SIK3: variants seen among roughly 807,000 people sequenced by gnomAD.
SIK3 encodes SIK family kinase 3, also known as serine/threonine-protein kinase SIK3.
In SIK3, 28 loss-of-function variants were observed where a neutral mutation model predicts 144.2. The observed-to-expected ratio is 0.19, with a 90% CI of 0.14 to 0.27. The LOEUF (loss-of-function observed/expected upper bound fraction) is 0.27, where lower values mean the gene tolerates loss of function less well. Among genes scored for constraint, SIK3 ranks in the 10% least tolerant of loss-of-function variants. SIK3 has a pLI of 1.00. For synonymous variants in SIK3, 686 were observed against 676.3 expected (o/e 1.01, Z -0.22); for missense variants, 1,319 against 1,776.0 (o/e 0.74, Z 4.62).
intron 23 of SIK3, among the ~76,000 whole-genome samples, chr11:116,847,004 G>T (rs1376876746): frequency 6.6e-6 from 1 of 152,114 alleles, no homozygotes; most frequent in African/African-American, 2.4e-5. Flanking sequence ...AGGCTCTATC[G>T]TTTTTGCCAC....
rs760742121 is a variant in SIK3 at position 116,849,314 on chromosome 11, G to A, written c.3656-31C>T. On this transcript the variant is annotated intron_variant, in intron 21 of 24. Coordinates refer to ENST00000445177, the MANE Select transcript of SIK3 (RefSeq NM_001366686.3). This position sits in a 1 kb window ranked among gnomAD's most constrained non-coding sequence, Gnocchi z 4.2. ...GAGACACAGCAGAATAGAGTCAGTG[G>A]GGCGGAACTTCTCCCAGCACTGGAA... is the stretch of plus-strand genomic sequence containing the variant. 6.2e-7 allele frequency: 1 copy of A among 1,612,886 alleles called. No homozygotes were observed. Among genetic ancestry groups the A allele is most frequent in the South Asian group, 1.1e-5 (1 of 91,010 alleles).
intron 1 of SIK3, among the ~76,000 whole-genome samples, chr11:117,078,012 G>A (rs1354002490): frequency 6.6e-6 from 1 of 152,178 alleles, no homozygotes; most frequent in Non-Finnish European, 1.5e-5. Flanking sequence ...GGGTAATCAT[G>A]TGAAAATACA....
intron 4 of SIK3, 83 bp from the exon 5 acceptor site, chr11:116,897,400 T>C (rs1336795505): frequency 1.2e-5 from 14 of 1,209,916 alleles, no homozygotes; most frequent in Non-Finnish European, 1.6e-5. Context: ...TCACTAAAGA[T>C]TCCAAATCAT....
intron 1 of SIK3, among the ~76,000 whole-genome samples, chr11:116,995,324 C>T (rs940297902): frequency 1.2e-4 from 18 of 149,666 alleles, no homozygotes; most frequent in African/African-American, 3.9e-4. Context: ...AGTGCAGTGG[C>T]GTGATCTTGG....
chr11:116,880,035 T>C (rs2134601952), intron 6 of SIK3, among the ~76,000 whole-genome samples: 1 of 152,300 alleles, frequency 6.6e-6, no homozygotes, highest in Non-Finnish European at 1.5e-5. Context: ...CTGTTTTCCT[T>C]TGGTCTCCAC....
At chr11:116,970,293 G>A (rs1383170604) in intron 1 of SIK3, among the ~76,000 whole-genome samples, 1 of 152,090 alleles carries the variant, frequency 6.6e-6, no homozygotes, top group Non-Finnish European at 1.5e-5. Flanking sequence ...AAGAAAGAAA[G>A]AGAGTTATCA....
chr11:117,037,823 A>T (rs1330961782), intron 1 of SIK3, among the ~76,000 whole-genome samples: 1 of 152,218 alleles, frequency 6.6e-6, no homozygotes, highest in East Asian at 1.9e-4. Context: ...CAGAACCACC[A>T]CAAAGCCAAG....
chr11:116,975,408 T>G (rs1484459782), intron 1 of SIK3, among the ~76,000 whole-genome samples: 1 of 152,138 alleles, frequency 6.6e-6, no homozygotes, highest in Non-Finnish European at 1.5e-5. Flanking sequence ...TAATCCACTT[T>G]CTTTCTATAA....
intron 3 of SIK3, among the ~76,000 whole-genome samples, chr11:116,949,940 G>A (rs1948856976): frequency 6.6e-6 from 1 of 152,084 alleles, no homozygotes; most frequent in Non-Finnish European, 1.5e-5. Flanking sequence ...TCTGGAGCTG[G>A]GGTTGGGGAC....
chr11:116,954,160 C>A, intron 2 of SIK3, 53 bp from the exon 3 acceptor site: 2 of 1,463,952 alleles, frequency 1.4e-6, no homozygotes, highest in Non-Finnish European at 1.9e-6. Flanking sequence ...CAGGCTGATA[C>A]AGGAAGATAA....
At chr11:116,932,763 T>C (rs971644830) in intron 3 of SIK3, among the ~76,000 whole-genome samples, 1 of 152,192 alleles carries the variant, frequency 6.6e-6, no homozygotes, top group Admixed American at 6.5e-5. Flanking sequence ...AACAGAATCA[T>C]ACAGTCGGCG....
intron 4 of SIK3, among the ~76,000 whole-genome samples, chr11:116,919,437 T>C (rs1051351859): frequency 6.6e-6 from 1 of 152,208 alleles, no homozygotes; most frequent in African/African-American, 2.4e-5. Flanking sequence ...TGTCTACTGA[T>C]TGCCAACTAA....
chr11:116,935,964 T>C lies in SIK3; in HGVS notation c.455-8584A>G, dbSNP rs550199199. The stretch of plus-strand genomic sequence containing the variant: ...TTCAAATGTCTACTGAAAAACTTCA[T>C]CTAGGTATCATAAATATATCTAAAT... On this transcript the variant is annotated intron_variant, in intron 3 of 24. Coordinates refer to ENST00000445177, the MANE Select transcript of SIK3 (RefSeq NM_001366686.3). Among the ~76,000 whole-genome samples the C allele has an allele frequency of 3.3e-5, 5 of 152,280 alleles. No individual in the cohort carries two copies. The South Asian group carries it at 1.0e-3, about 32-fold the overall frequency.
At chr11:116,868,445 T>C (rs997839314) in intron 14 of SIK3, among the ~76,000 whole-genome samples, 18 of 152,192 alleles carry the variant, frequency 1.2e-4, no homozygotes, top group Admixed American at 2.6e-4. Context: ...ATTTCCAAAA[T>C]ACAAGTCAGA....
intron 1 of SIK3, among the ~76,000 whole-genome samples, chr11:117,061,169 C>G (rs1047327120): frequency 6.6e-6 from 1 of 152,082 alleles, no homozygotes; most frequent in Non-Finnish European, 1.5e-5. Context: ...ATGGCTTGAG[C>G]CCAGAAGTTC....
intron 6 of SIK3, among the ~76,000 whole-genome samples, chr11:116,893,352 A>T (rs1945230637): frequency 6.6e-6 from 1 of 152,088 alleles, no homozygotes. Flanking sequence ...TCCACTCAAT[A>T]CTGCTGTGAA....
chr11:116,855,102 A>AAAAAAAAAAAAAAAAAAAAAAC (rs1168132311), intron 21 of SIK3, among the ~76,000 whole-genome samples: 7 of 144,454 alleles, frequency 4.8e-5, no homozygotes, highest in East Asian at 4.6e-4. Flanking sequence ...AAAAAAAAAA[A>AAAAAAAAAAAAAAAAAAAAAAC]AAAAAAACTT....
At chr11:116,935,465 A>G (rs1947863531) in intron 3 of SIK3, among the ~76,000 whole-genome samples, 1 of 152,166 alleles carries the variant, frequency 6.6e-6, no homozygotes, top group Admixed American at 6.5e-5. Flanking sequence ...TCCTTTTCAT[A>G]TCAAGTCCAT....
Position 116,858,622 on chromosome 11 carries a change from C to A in SIK3, c.2843G>T (p.Arg948Leu). 6.2e-7 allele frequency: 1 copy of A among 1,605,696 alleles called. No individual in the cohort carries two copies. Among genetic ancestry groups the A allele is most frequent in the Non-Finnish European group, 8.5e-7 (1 of 1,176,220 alleles). The change falls in exon 21 of 25, where the codon CGG becomes CTG. Residue 948 changes from arginine to leucine, a missense_variant. Arg to Leu is a moderately radical substitution (Grantham distance 102, BLOSUM62 -2). Transcript: ENST00000445177. The surrounding 1 kb of genome is among the most constrained non-coding windows in gnomAD (Gnocchi z 5.4). ...AGGGCTGTAGCTGCTGGGGGAACCC[C>A]GGGACTGGTCCGAAAACAGATGGGG... ...LHPHLFSDQSRGSPSSYSPST... is the reference protein window; with the variant it reads ...LHPHLFSDQSLGSPSSYSPST...
Sources: gnomAD v4.1 joint callset for allele counts (sites outside exome capture counted in the v4.1 genomes callset) on GRCh38, gnomAD v4.1.1 for gene constraint, Gnocchi (gnomAD v3.1) non-coding constraint, MANE v1.5 for transcripts, NCBI Gene and HGNC (gene_info 2026-07-23, HGNC 2026-07-21) for gene names.